Variants in ROCK2 observed in about 807,000 individuals in gnomAD.
ROCK2 encodes Rho associated coiled-coil containing protein kinase 2, also known as rho-associated protein kinase 2.
In ROCK2, 61 loss-of-function variants were observed where a neutral mutation model predicts 195.1. That is an observed-to-expected ratio of 0.31 (90% CI 0.25 to 0.39). The LOEUF (loss-of-function observed/expected upper bound fraction) is 0.39. Among genes scored for constraint, ROCK2 ranks in the 10% least tolerant of loss-of-function variants. The probability of loss-of-function intolerance (pLI) is 1.00; values close to 1 mark genes in which losing one functional copy is unlikely to be tolerated. For synonymous variants in ROCK2, 504 were observed against 545.5 expected (o/e 0.92, Z 1.06); for missense variants, 1,109 against 1,637.4 (o/e 0.68, Z 5.57).
chr2:11,188,576 ATTATTT>A (rs1663291108), intron 32 of ROCK2, among the ~76,000 whole-genome samples: 1 of 151,864 alleles, frequency 6.6e-6, no homozygotes, highest in African/African-American at 2.4e-5. Context: ...ATTTCTATAC[ATTATTT>A]TTATGAACTG....
Position 11,233,801 on chromosome 2 carries a change from G to A in ROCK2, c.723+1901C>T, listed in dbSNP as rs138447531. Reference sequence around the variant, plus strand: ...CACTATACTAATAATCTGCAAAAACGTATGGTGAACATATACTAGCTATCT... The same window carrying A: ...CACTATACTAATAATCTGCAAAAACATATGGTGAACATATACTAGCTATCT... On this transcript the variant is annotated intron_variant, in intron 5 of 32. Transcript: ENST00000315872. Among the ~76,000 whole-genome samples the A allele has an allele frequency of 3.0e-3, 463 of 152,214 alleles. 2 individuals carry two copies. Among genetic ancestry groups the A allele is most frequent in the African/African-American group, 9.9e-3 (410 of 41,532 alleles).
At position 11,211,555 on chromosome 2, in the gene ROCK2, T is replaced by C. The variant is rs878910283; in HGVS notation, c.2203+126A>G. The C allele has an allele frequency of 9.0e-5, 78 of 862,630 alleles. 1 individual carries two copies. The South Asian group carries it at 9.5e-4, about 11-fold the overall frequency. 53.4% of individuals were successfully genotyped at this position (862,630 alleles called of 1,614,324 possible). On this transcript the variant is annotated intron_variant, in intron 18 of 32. Coordinates refer to ENST00000315872, the MANE Select transcript of ROCK2 (RefSeq NM_004850.5). Reference sequence around the variant, plus strand: ...TCTATGTAAAGCTTCCCTAATAGTTTTTTTCCCTCCAATTCCCAATATTTG... The same window carrying C: ...TCTATGTAAAGCTTCCCTAATAGTTCTTTTCCCTCCAATTCCCAATATTTG...
chr2:11,278,811 G>A (rs1572351807), intron 3 of ROCK2, among the ~76,000 whole-genome samples: 1 of 152,112 alleles, frequency 6.6e-6, no homozygotes, highest in South Asian at 2.1e-4. Context: ...ACGGGGTTTT[G>A]CCATGTTCGC....
intron 3 of ROCK2, among the ~76,000 whole-genome samples, chr2:11,273,116 G>T: frequency 2.2e-5 from 1 of 46,324 alleles, no homozygotes; most frequent in South Asian, 7.5e-4. Flanking sequence ...AAAAAAAAAA[G>T]CTTTACAACA....
intron 3 of ROCK2, among the ~76,000 whole-genome samples, chr2:11,285,470 T>G (rs1449269490): frequency 6.6e-6 from 1 of 152,050 alleles, no homozygotes; most frequent in Non-Finnish European, 1.5e-5. Flanking sequence ...TTCAGAAGAA[T>G]AATATTCTTC....
chr2:11,216,228 C>T (rs755001845), intron 12 of ROCK2, 22 bp from the exon 13 acceptor site: 5 of 1,505,310 alleles, frequency 3.3e-6, no homozygotes, highest in Admixed American at 1.7e-5. Context: ...CAGAAAGAAA[C>T]AGTAAATAAC....
chr2:11,244,559 A>T (rs1227753724), intron 4 of ROCK2, among the ~76,000 whole-genome samples: 2 of 152,088 alleles, frequency 1.3e-5, no homozygotes, highest in African/African-American at 4.8e-5. Flanking sequence ...TGAGGCCAGG[A>T]GTTCGAGACC....
intron 10 of ROCK2, 77 bp from the exon 11 acceptor site, chr2:11,218,543 C>T: frequency 9.4e-7 from 1 of 1,058,266 alleles, no homozygotes; most frequent in Non-Finnish European, 1.4e-6. Context: ...AAAACACAAA[C>T]CATAACAAAA....
rs1034421131 is a variant in ROCK2, at chr2:11,219,902, G to A, written c.1260-876C>T. Among the ~76,000 whole-genome samples, 5 of 139,926 alleles carry A rather than the reference G, an allele frequency of 3.6e-5. No individual in the cohort carries two copies. In the East Asian group the frequency reaches 6.2e-4, roughly 17 times the overall value. The allele number at this position is 139,926 out of a possible 152,430, so 91.8% of individuals were successfully genotyped here. A position where few individuals can be genotyped will look rare whatever the true frequency, so the allele number is the denominator to read the frequency against. Reference sequence around the variant, plus strand: ...TTTTAAGACATGGTCTCATTCTGTCGCCCAGGCTGGAACAGCTCATTCCAA... The same window carrying A: ...TTTTAAGACATGGTCTCATTCTGTCACCCAGGCTGGAACAGCTCATTCCAA... On this transcript the variant is annotated intron_variant, in intron 9 of 32. Transcript: ENST00000315872.
chr2:11,298,153 G>C (rs1304410377), intron 1 of ROCK2, among the ~76,000 whole-genome samples: 1 of 152,024 alleles, frequency 6.6e-6, no homozygotes, highest in Admixed American at 6.6e-5. Context: ...GGGTGCATTG[G>C]ATAATAATGA....
intron 1 of ROCK2, among the ~76,000 whole-genome samples, chr2:11,311,884 G>C (rs1425792626): frequency 2.0e-5 from 3 of 152,174 alleles, no homozygotes; most frequent in Admixed American, 6.5e-5. Flanking sequence ...AGAACTTGAA[G>C]AATATCCAGA....
intron 3 of ROCK2, among the ~76,000 whole-genome samples, chr2:11,252,054 C>T (rs1665846710): frequency 6.6e-6 from 1 of 152,110 alleles, no homozygotes; most frequent in South Asian, 2.1e-4. Flanking sequence ...CACCTTTATG[C>T]TGTTGGTGGG....
intron 1 of ROCK2, among the ~76,000 whole-genome samples, chr2:11,343,096 TAC>T (rs1391092994): frequency 5.9e-5 from 9 of 152,148 alleles, no homozygotes; most frequent in Non-Finnish European, 1.0e-4. Flanking sequence ...GTCAATTTAA[TAC>T]ACAGAGTATC....
At chr2:11,259,483 G>A (rs1343709767) in intron 3 of ROCK2, among the ~76,000 whole-genome samples, 1 of 151,244 alleles carries the variant, frequency 6.6e-6, no homozygotes, top group Non-Finnish European at 1.5e-5. Context: ...TGGGTTTCAG[G>A]TCCTGCTCTG....
intron 13 of ROCK2, 63 bp downstream of exon 13, chr2:11,216,095 G>T: frequency 7.8e-7 from 1 of 1,284,562 alleles, no homozygotes; most frequent in Non-Finnish European, 1.1e-6. Flanking sequence ...AGCTCCTTAG[G>T]TAAGTCAGAC....
chr2:11,195,521 TTTC>T (rs1482596153), intron 27 of ROCK2, among the ~76,000 whole-genome samples: 218 of 152,330 alleles, frequency 1.4e-3, no homozygotes, highest in African/African-American at 5.0e-3. Context: ...TTTTATTTTA[TTTC>T]TTTTTTTTGA....
chr2:11,266,036 GC>G (rs1666402592), intron 3 of ROCK2, among the ~76,000 whole-genome samples: 1 of 152,036 alleles, frequency 6.6e-6, no homozygotes, highest in Non-Finnish European at 1.5e-5. Context: ...ACTAAAACAC[GC>G]ACGCCCACTA....
At chr2:11,330,832 GGAAGAGGGAGGAGGAGGGGGAGGAA>G (rs1668711467) in intron 1 of ROCK2, among the ~76,000 whole-genome samples, 2 of 7,876 alleles carry the variant, frequency 2.5e-4, no homozygotes, top group Non-Finnish European at 4.8e-4. Context: ...AGGAGGGGGA[GGAAGAGGGAGGAGGAGGGGGAGGAA>G]GAGGGAGGAG....
intron 16 of ROCK2, 109 bp from the exon 17 acceptor site, chr2:11,214,572 G>C: frequency 1.4e-6 from 1 of 708,862 alleles, no homozygotes; most frequent in Non-Finnish European, 2.3e-6. Flanking sequence ...TTGTTTGTGA[G>C]CAGAAGTTTT....
Sources: allele counts gnomAD v4.1 joint callset (sites outside exome capture counted in the v4.1 genomes callset), GRCh38; gene constraint gnomAD v4.1.1; transcripts MANE v1.5; gene names NCBI Gene and HGNC (gene_info 2026-07-23, HGNC 2026-07-21).